Variants in AFG1L observed in about 807,000 individuals in gnomAD.
AFG1L encodes the protein AFG1 like ATPase, also known as AFG1-like ATPase.
Under a neutral mutation model 62.2 loss-of-function variants are expected in AFG1L, and 53 were observed. The ratio of observed to expected loss-of-function variants is 0.85; its 90% CI spans 0.68 to 1.07. The LOEUF (loss-of-function observed/expected upper bound fraction) is 1.07. Ranked by LOEUF, AFG1L falls within the 50% of genes least tolerant of loss-of-function variation. AFG1L has a pLI of 0.00. For missense variants in AFG1L, 555 were observed against 590.5 expected, an observed-to-expected ratio of 0.94 and a Z score of 0.62; for synonymous variants, 228 against 210.3, an observed-to-expected ratio of 1.08 and a Z score of -0.73.
chr6:108,397,724 G>A (rs191111634), intron 6 of AFG1L, among the ~76,000 whole-genome samples: 1 of 152,166 alleles, frequency 6.6e-6, no homozygotes, highest in African/African-American at 2.4e-5. Flanking sequence ...TTGTCTTTCT[G>A]TGCCTGGCTC....
chr6:108,401,159 G>A (rs1048761019), intron 6 of AFG1L, among the ~76,000 whole-genome samples: 4 of 134,262 alleles, frequency 3.0e-5, no homozygotes, highest in Non-Finnish European at 6.3e-5. Context: ...TTTTTGAGAC[G>A]GAGTCTCGCT....
At chr6:108,445,842 A>G (rs997242836) in intron 7 of AFG1L, among the ~76,000 whole-genome samples, 1 of 152,188 alleles carries the variant, frequency 6.6e-6, no homozygotes, top group African/African-American at 2.4e-5. Flanking sequence ...AATTAATGAC[A>G]TAATTTTTAA....
chr6:108,517,197 CA>C (rs1322332777), intron 11 of AFG1L, among the ~76,000 whole-genome samples: 1 of 152,188 alleles, frequency 6.6e-6, no homozygotes, highest in East Asian at 1.9e-4. Flanking sequence ...ATTGCCAAGA[CA>C]ATCCTAAGCC....
intron 6 of AFG1L, among the ~76,000 whole-genome samples, chr6:108,380,713 G>A (rs1314404034): frequency 3.3e-5 from 5 of 152,156 alleles, no homozygotes; most frequent in African/African-American, 1.2e-4. Context: ...TCTCAGATCT[G>A]GGAAAATGCC....
At chr6:108,471,555 G>A (rs1384260718) in intron 8 of AFG1L, among the ~76,000 whole-genome samples, 4 of 146,936 alleles carry the variant, frequency 2.7e-5, no homozygotes, top group Non-Finnish European at 5.9e-5. Flanking sequence ...CCCCCTCCCA[G>A]GTTCAAGTGA....
intron 10 of AFG1L, among the ~76,000 whole-genome samples, chr6:108,504,826 G>A (rs1266048043): frequency 2.6e-5 from 4 of 152,174 alleles, no homozygotes; most frequent in Non-Finnish European, 5.9e-5. Context: ...TCAAAATGAG[G>A]TGAGCTGAGC....
intron 7 of AFG1L, among the ~76,000 whole-genome samples, chr6:108,445,711 C>G (rs1353114176): frequency 6.7e-6 from 1 of 149,066 alleles, no homozygotes; most frequent in Non-Finnish European, 1.5e-5. Flanking sequence ...AGTCAGAATG[C>G]AAACAGCATG....
intron 2 of AFG1L, among the ~76,000 whole-genome samples, chr6:108,342,860 G>A (rs1778730295): frequency 6.6e-6 from 1 of 151,988 alleles, no homozygotes; most frequent in Non-Finnish European, 1.5e-5. Context: ...GTGATATGAG[G>A]TATTTGTGAT....
chr6:108,451,256 A>G (rs1416565588), intron 8 of AFG1L, among the ~76,000 whole-genome samples: 1 of 152,256 alleles, frequency 6.6e-6, no homozygotes, highest in Non-Finnish European at 1.5e-5. Context: ...AAACAGAAAT[A>G]TTAATCTTCA....
In AFG1L at chr6:108,342,280, C is replaced by T. The variant is rs183781950; in HGVS notation, c.364-4708C>T. Among the ~76,000 whole-genome samples the T allele has an allele frequency of 2.5e-3, 380 of 152,094 alleles. 3 individuals are homozygous for T. The highest frequency in any genetic ancestry group is 8.8e-3 in the African/African-American group (365 of 41,488). On this transcript the variant is annotated intron_variant, in intron 2 of 12. Coordinates refer to ENST00000368977, the MANE Select transcript of AFG1L (RefSeq NM_145315.5). ...GCAGTCGCTTGGGGTACAGACAGGA[C>T]GGAGAAGGCATCAGGGGAGGGGAGC...
intron 6 of AFG1L, chr6:108,388,160 G>C (rs1034616110): frequency 7.2e-5 from 11 of 152,292 alleles, no homozygotes; most frequent in East Asian, 3.9e-4. Flanking sequence ...ACTGCCATTA[G>C]TTTGTACATG....
intron 6 of AFG1L, among the ~76,000 whole-genome samples, chr6:108,396,250 G>C (rs1372398253): frequency 6.6e-6 from 1 of 152,004 alleles, no homozygotes; most frequent in Non-Finnish European, 1.5e-5. Context: ...AGAAAAATAT[G>C]AAGAGCTTAA....
chr6:108,493,684 G>A (rs1773854159), intron 10 of AFG1L, among the ~76,000 whole-genome samples: 1 of 152,178 alleles, frequency 6.6e-6, no homozygotes, highest in Non-Finnish European at 1.5e-5. Flanking sequence ...TCAGTCCCAG[G>A]TGGTTAGTAC....
intron 2 of AFG1L, among the ~76,000 whole-genome samples, chr6:108,333,146 A>G (rs1213403249): frequency 1.3e-5 from 2 of 152,214 alleles, no homozygotes; most frequent in African/African-American, 4.8e-5. Context: ...GCGGTGGCTC[A>G]CGCCTGTAAT....
At chr6:108,419,198 CTAAAA>C (rs1770476019) in intron 7 of AFG1L, among the ~76,000 whole-genome samples, 1 of 152,126 alleles carries the variant, frequency 6.6e-6, no homozygotes, top group Non-Finnish European at 1.5e-5. Flanking sequence ...GTGAAATAAT[CTAAAA>C]TAATCTCCCC....
chr6:108,301,449 C>T (rs977568252), intron 1 of AFG1L, among the ~76,000 whole-genome samples: 2 of 152,200 alleles, frequency 1.3e-5, no homozygotes, highest in African/African-American at 4.8e-5. Flanking sequence ...TCTGCAACTT[C>T]TTCAGGCTGA....
At chr6:108,378,727 A>T (rs1000144268) in intron 6 of AFG1L, among the ~76,000 whole-genome samples, 12 of 152,002 alleles carry the variant, frequency 7.9e-5, no homozygotes, top group African/African-American at 2.9e-4. Flanking sequence ...CAGCTTTTTC[A>T]TGGTGCCAGA....
At chr6:108,319,676 A>G in intron 1 of AFG1L, 1 of 301,984 alleles carries the variant, frequency 3.3e-6, no homozygotes, top group African/African-American at 2.2e-5. Context: ...AGGTATGATC[A>G]TGGTGCTCTG....
intron 6 of AFG1L, among the ~76,000 whole-genome samples, chr6:108,377,708 G>A (rs764369623): frequency 6.6e-6 from 1 of 151,810 alleles, no homozygotes; most frequent in African/African-American, 2.4e-5. Flanking sequence ...GGACAGTATG[G>A]TGACTATATA....
Sources: gnomAD v4.1 joint callset for allele counts (sites outside exome capture counted in the v4.1 genomes callset) on GRCh38, gnomAD v4.1.1 for gene constraint, MANE v1.5 for transcripts, NCBI Gene and HGNC (gene_info 2026-07-23, HGNC 2026-07-21) for gene names.